The following SLC4A10 variants were observed in gnomAD, a reference collection of about 807,000 sequenced individuals.
SLC4A10 encodes the protein sodium-driven chloride bicarbonate exchanger.
Under a neutral mutation model 137.7 loss-of-function variants are expected in SLC4A10, and 42 were observed. The observed-to-expected ratio is 0.30, with a 90% CI of 0.24 to 0.39. The LOEUF is 0.39. Ranked by LOEUF, SLC4A10 falls within the 10% of genes least tolerant of loss-of-function variation. The pLI, the probability that SLC4A10 is intolerant of heterozygous loss-of-function variation, is 1.00. For missense variants in SLC4A10, 925 were observed against 1,355.0 expected (o/e 0.68, Z 4.98); for synonymous variants, 474 against 464.1 (o/e 1.02, Z -0.27).
chr2:161,945,808 T>G (rs879467598), intron 16 of SLC4A10, among the ~76,000 whole-genome samples: 1 of 151,882 alleles, frequency 6.6e-6, no homozygotes, highest in Non-Finnish European at 1.5e-5. Context: ...AATTATAGAG[T>G]GTAAGACAGC....
In SLC4A10 at chr2:161,867,291, G is replaced by GAT. The variant is rs562167231; in HGVS notation, c.766+4236_766+4237dup. Among the ~76,000 whole-genome samples, 61 of 151,934 alleles carry GAT rather than the reference G, an allele frequency of 4.0e-4. 1 individual carries two copies. The East Asian group carries it at 9.3e-3, about 23-fold the overall frequency. On this transcript the variant is annotated intron_variant, in intron 6 of 26. Transcript: ENST00000446997. ...GATGCATGCTGTCTTTACGTATTTA[G>GAT]ATATATATGCTTTCTTGCTTTTTTA...
rs978058794 is a variant in SLC4A10, at chr2:161,984,133, G to A, written c.*981G>A. On this transcript the variant is annotated 3_prime_UTR_variant, in exon 27 of 27. Transcript: ENST00000446997. ...TAATGGTCATGCACTGCTTAATGCT[G>A]GTCCTGAATCATGTTCTCATGTTAG... 6 of 151,910 alleles carry A rather than the reference G, an allele frequency of 3.9e-5. No individual in the cohort carries two copies. The highest frequency in any genetic ancestry group is 7.4e-5 in the Non-Finnish European group (5 of 67,972). The allele number at this position is 151,910 out of a possible 1,614,324, so 9.4% of individuals were successfully genotyped here. A position where few individuals can be genotyped will look rare whatever the true frequency, so the allele number is the denominator to read the frequency against.
intron 1 of SLC4A10, among the ~76,000 whole-genome samples, chr2:161,700,800 T>G (rs1047360889): frequency 3.3e-5 from 5 of 152,124 alleles, no homozygotes; most frequent in African/African-American, 1.2e-4. Context: ...ACTGCACTTT[T>G]TTTATATAAC....
chr2:161,852,235 T>C (rs758943763), intron 4 of SLC4A10, among the ~76,000 whole-genome samples: 71 of 152,214 alleles, frequency 4.7e-4, no homozygotes, highest in Non-Finnish European at 1.8e-4. Flanking sequence ...TTACACCCTT[T>C]TAAAACTCTA....
chr2:161,952,250 A>G (rs1694934539), intron 19 of SLC4A10, among the ~76,000 whole-genome samples: 1 of 151,562 alleles, frequency 6.6e-6, no homozygotes, highest in South Asian at 2.1e-4. Context: ...CTTCCTGGCC[A>G]TTCTGAATCT....
intron 3 of SLC4A10, among the ~76,000 whole-genome samples, chr2:161,812,989 T>C (rs930952596): frequency 6.6e-6 from 1 of 152,114 alleles, no homozygotes; most frequent in Non-Finnish European, 1.5e-5. Flanking sequence ...TTTTCATTAA[T>C]TTCTTTCTTA....
chr2:161,829,883 G>C (rs2058316584), intron 3 of SLC4A10, among the ~76,000 whole-genome samples: 1 of 151,916 alleles, frequency 6.6e-6, no homozygotes, highest in South Asian at 2.1e-4. Context: ...CAAGCAAAAG[G>C]GGTTTCCCCT....
intron 10 of SLC4A10, among the ~76,000 whole-genome samples, chr2:161,884,920 G>A (rs2062119338): frequency 1.3e-5 from 2 of 151,310 alleles, no homozygotes; most frequent in African/African-American, 4.8e-5. Context: ...GCTTACATCT[G>A]TAATCCCAGC....
chr2:161,844,106 G>A (rs903284055), intron 4 of SLC4A10, among the ~76,000 whole-genome samples: 5 of 152,036 alleles, frequency 3.3e-5, no homozygotes, highest in East Asian at 1.9e-4. Context: ...CAGTTGTGGC[G>A]ACAACATGTT....
At chr2:161,857,313 T>A (rs981200956) in intron 5 of SLC4A10, among the ~76,000 whole-genome samples, 1 of 152,166 alleles carries the variant, frequency 6.6e-6, no homozygotes, top group Non-Finnish European at 1.5e-5. Context: ...AAATAGCTTT[T>A]TAGTATTCTT....
intron 15 of SLC4A10, among the ~76,000 whole-genome samples, chr2:161,911,486 A>C (rs1161232893): frequency 2.6e-5 from 4 of 152,062 alleles, no homozygotes; most frequent in Non-Finnish European, 4.4e-5. Context: ...ACCTTTTAGT[A>C]CTCACTAGTC....
chr2:161,956,905 G>A (rs898654762), intron 19 of SLC4A10, 84 bp from the exon 20 acceptor site: 12 of 1,393,110 alleles, frequency 8.6e-6, no homozygotes, highest in Non-Finnish European at 1.0e-5. Context: ...GTATCATCAG[G>A]AAGTGGTTTC....
chr2:161,712,390 T>C (rs546036886), intron 1 of SLC4A10, among the ~76,000 whole-genome samples: 3 of 150,446 alleles, frequency 2.0e-5, no homozygotes, highest in African/African-American at 4.9e-5. Flanking sequence ...AATTAAGGGG[T>C]AAAAAAAAGC....
chr2:161,970,491 A>T (rs1003183357), intron 23 of SLC4A10, among the ~76,000 whole-genome samples: 1 of 152,168 alleles, frequency 6.6e-6, no homozygotes, highest in African/African-American at 2.4e-5. Flanking sequence ...ACTTTGTTTT[A>T]CTCTTGGGCA....
chr2:161,677,450 A>AGT (rs2040390379), intron 1 of SLC4A10, among the ~76,000 whole-genome samples: 1 of 152,224 alleles, frequency 6.6e-6, no homozygotes, highest in Non-Finnish European at 1.5e-5. Context: ...TGCTCTGCAG[A>AGT]ACACCAGAAA....
chr2:161,966,385 G>C (rs1363237225), intron 23 of SLC4A10, among the ~76,000 whole-genome samples: 1 of 152,032 alleles, frequency 6.6e-6, no homozygotes, highest in African/African-American at 2.4e-5. Context: ...CACAAAAAAT[G>C]ATATTATACA....
At chr2:161,973,970 A>T (rs1027566009) in intron 23 of SLC4A10, among the ~76,000 whole-genome samples, 25 of 152,358 alleles carry the variant, frequency 1.6e-4, no homozygotes, top group South Asian at 8.3e-4. Flanking sequence ...ATTAATTTTT[A>T]AAAAATATGC....
chr2:161,868,832 C>T (rs2060932130), intron 6 of SLC4A10, among the ~76,000 whole-genome samples: 1 of 151,498 alleles, frequency 6.6e-6, no homozygotes. Flanking sequence ...AATAACTTAC[C>T]ATGAATATAA....
At chr2:161,804,647 C>T in intron 3 of SLC4A10, 52 bp downstream of exon 3, 5 of 1,490,766 alleles carry the variant, frequency 3.4e-6, no homozygotes, top group Non-Finnish European at 4.5e-6. Flanking sequence ...AATATACTTG[C>T]TTATACAATT....
Sources: allele counts gnomAD v4.1 joint callset (sites outside exome capture counted in the v4.1 genomes callset), GRCh38; gene constraint gnomAD v4.1.1; transcripts MANE v1.5; gene names NCBI Gene and HGNC (gene_info 2026-07-23, HGNC 2026-07-21).